RFC3: variants seen among roughly 807,000 people sequenced by gnomAD.
RFC3 encodes the protein replication factor C subunit 3, also known as A1 38 kDa subunit.
RFC3 carries 41 observed loss-of-function variants against 45.1 expected under a neutral mutation model. The observed-to-expected ratio is 0.91, with a 90% CI of 0.71 to 1.18. RFC3 has a LOEUF of 1.18. RFC3 is among the 50% of genes most tolerant of loss of function. The pLI, the probability that RFC3 is intolerant of heterozygous loss-of-function variation, is 0.00. For synonymous variants in RFC3, 149 were observed against 144.0 expected (o/e 1.03, Z -0.25); for missense variants, 423 against 428.1 (o/e 0.99, Z 0.10).
intron 3 of RFC3, among the ~76,000 whole-genome samples, chr13:33,824,988 G>T (rs1338232009): frequency 6.6e-6 from 1 of 152,124 alleles, no homozygotes; most frequent in East Asian, 1.9e-4. Context: ...TATAATAATA[G>T]TAGTGACTTG....
At chr13:33,893,217 C>A (rs1250734993) in intron 8 of RFC3, among the ~76,000 whole-genome samples, 2 of 152,046 alleles carry the variant, frequency 1.3e-5, no homozygotes, top group Admixed American at 1.3e-4. Context: ...GGGCATGAAC[C>A]CTTAGCCAGC....
At chr13:33,962,330 T>C (rs2083062329) in intron 8 of RFC3, among the ~76,000 whole-genome samples, 1 of 152,064 alleles carries the variant, frequency 6.6e-6, no homozygotes, top group African/African-American at 2.4e-5. Flanking sequence ...GCTCATCCTG[T>C]CTCCTTCACT....
chr13:33,882,538 T>C (rs2082491882), intron 8 of RFC3, among the ~76,000 whole-genome samples: 1 of 152,202 alleles, frequency 6.6e-6, no homozygotes, highest in Non-Finnish European at 1.5e-5. Context: ...AAGGGTTTGC[T>C]TCCTCTCTCT....
At chr13:33,832,106 T>C (rs575512688) in intron 7 of RFC3, among the ~76,000 whole-genome samples, 5 of 152,320 alleles carry the variant, frequency 3.3e-5, no homozygotes, top group Non-Finnish European at 5.9e-5. Flanking sequence ...GTTTGACTTA[T>C]GGCAGCTTCG....
intron 1 of RFC3, 80 bp from the exon 2 acceptor site, chr13:33,821,052 T>A: frequency 7.2e-7 from 1 of 1,396,394 alleles, no homozygotes. Context: ...CATAAAATAT[T>A]TGTTACTTAA....
chr13:33,910,767 C>T (rs2082699255), intron 8 of RFC3, among the ~76,000 whole-genome samples: 1 of 152,078 alleles, frequency 6.6e-6, no homozygotes, highest in Non-Finnish European at 1.5e-5. Context: ...GTATAATTGA[C>T]TCATGGTTCC....
chr13:33,850,560 T>C (rs2082270058), intron 8 of RFC3: 1 of 152,138 alleles, frequency 6.6e-6, no homozygotes, highest in Admixed American at 6.5e-5. Context: ...AATTAATATT[T>C]ACTGTATGAA....
chr13:33,881,079 T>C (rs1437706981), intron 8 of RFC3, among the ~76,000 whole-genome samples: 1 of 151,980 alleles, frequency 6.6e-6, no homozygotes, highest in African/African-American at 2.4e-5. Flanking sequence ...CAAAAAAAGA[T>C]GTTAGTGATA....
intron 8 of RFC3, among the ~76,000 whole-genome samples, chr13:33,899,677 C>A (rs1593677243): frequency 6.6e-6 from 1 of 151,826 alleles, no homozygotes; most frequent in African/African-American, 2.4e-5. Context: ...GAAGTCCTGG[C>A]TAGATCAATT....
chr13:33,961,736 C>G (rs2083058399), intron 8 of RFC3, among the ~76,000 whole-genome samples: 1 of 152,172 alleles, frequency 6.6e-6, no homozygotes, highest in Admixed American at 6.5e-5. Context: ...ACACTCAAGA[C>G]AGCACAGTCA....
intron 4 of RFC3, among the ~76,000 whole-genome samples, chr13:33,826,717 T>C (rs1353672258): frequency 6.6e-6 from 1 of 152,204 alleles, no homozygotes; most frequent in African/African-American, 2.4e-5. Context: ...TAAATTCTCT[T>C]ACTGTTTTTA....
intron 8 of RFC3, among the ~76,000 whole-genome samples, chr13:33,953,949 A>T (rs2083005639): frequency 6.6e-6 from 1 of 152,220 alleles, no homozygotes; most frequent in Non-Finnish European, 1.5e-5. Context: ...TTTTAAGTTT[A>T]AAAGATAGGT....
chr13:33,965,768 A>G (rs1039043181), intron 8 of RFC3, among the ~76,000 whole-genome samples: 1 of 152,176 alleles, frequency 6.6e-6, no homozygotes, highest in Non-Finnish European at 1.5e-5. Flanking sequence ...TTTAGAGTGT[A>G]CCTAGCACAT....
At chr13:33,830,151 T>C in intron 5 of RFC3, 134 bp downstream of exon 5, 1 of 696,520 alleles carries the variant, frequency 1.4e-6, no homozygotes. Context: ...CATTAATATG[T>C]GAACAAACCA....
intron 8 of RFC3, among the ~76,000 whole-genome samples, chr13:33,948,512 C>T (rs1566039217): frequency 6.6e-6 from 1 of 152,212 alleles, no homozygotes; most frequent in East Asian, 1.9e-4. Flanking sequence ...CCTCGTGGAG[C>T]TGTGAGAAGA....
chr13:33,946,644 C>A (rs189853006), intron 8 of RFC3, among the ~76,000 whole-genome samples: 23 of 152,030 alleles, frequency 1.5e-4, no homozygotes, highest in African/African-American at 5.3e-4. Context: ...TTAATAATTA[C>A]CCTAATAAAC....
chr13:33,962,164 C>A (rs1280274686), intron 8 of RFC3, among the ~76,000 whole-genome samples: 2 of 152,276 alleles, frequency 1.3e-5, no homozygotes, highest in East Asian at 3.9e-4. Context: ...CCCAAACTTC[C>A]TCTCCTTTCT....
chr13:33,855,713 T>G (rs536325723), intron 8 of RFC3, among the ~76,000 whole-genome samples: 7 of 152,350 alleles, frequency 4.6e-5, no homozygotes, highest in Admixed American at 3.9e-4. Context: ...TGATTTACAT[T>G]TCTTTCATGA....
chr13:33,945,644 C>T (rs1439173828), intron 8 of RFC3, among the ~76,000 whole-genome samples: 1 of 152,212 alleles, frequency 6.6e-6, no homozygotes, highest in Non-Finnish European at 1.5e-5. Flanking sequence ...CCCATCTGTT[C>T]TCTTGGAAGC....
Sources: allele counts gnomAD v4.1 joint callset (sites outside exome capture counted in the v4.1 genomes callset), GRCh38; gene constraint gnomAD v4.1.1; transcripts MANE v1.5; gene names NCBI Gene and HGNC (gene_info 2026-07-23, HGNC 2026-07-21).